The following CDC14B variants were observed in gnomAD, a reference collection of about 807,000 sequenced individuals.
The protein encoded by CDC14B is dual specificity protein phosphatase CDC14B.
In CDC14B, 22 loss-of-function variants were observed where a neutral mutation model predicts 64.2. That is an observed-to-expected ratio of 0.34 (90% CI 0.24 to 0.49). CDC14B has a LOEUF of 0.49. CDC14B is among the 20% of genes least tolerant of loss of function. CDC14B has a pLI of 0.99. For synonymous variants in CDC14B, 191 were observed against 215.8 expected, an observed-to-expected ratio of 0.89 and a Z score of 1.01; for missense variants, 498 against 629.9, an observed-to-expected ratio of 0.79 and a Z score of 2.24.
exon 14 of CDC14B, chr9:96,491,593 T>A (rs1197001149): frequency 6.6e-6 from 1 of 152,234 alleles, no homozygotes; most frequent in East Asian, 1.9e-4. Flanking sequence ...CGGTACAACA[T>A]CAGGGCTGTG....
At chr9:96,596,532 A>G (rs541218245) in intron 1 of CDC14B, among the ~76,000 whole-genome samples, 4 of 152,248 alleles carry the variant, frequency 2.6e-5, no homozygotes, top group African/African-American at 9.6e-5. Flanking sequence ...ACAGCATTAG[A>G]AACTCTACAA....
At chr9:96,600,871 A>G (rs1846392027) in intron 1 of CDC14B, among the ~76,000 whole-genome samples, 1 of 151,936 alleles carries the variant, frequency 6.6e-6, no homozygotes, top group Non-Finnish European at 1.5e-5. Context: ...GGTGTCCACA[A>G]CTCCTAAAAT....
At chr9:96,594,714 CAAAAAAAA>C (rs11414625) in intron 1 of CDC14B, among the ~76,000 whole-genome samples, 3 of 42,418 alleles carry the variant, frequency 7.1e-5, no homozygotes, top group South Asian at 2.1e-3. Flanking sequence ...AAGGCTGTCT[CAAAAAAAA>C]AAAAAAAAAA....
intron 13 of CDC14B, among the ~76,000 whole-genome samples, chr9:96,493,587 T>A (rs555263268): frequency 4.0e-4 from 61 of 152,272 alleles, no homozygotes; most frequent in South Asian, 6.2e-4. Context: ...TGTAATACTT[T>A]GGGAGGCTGA....
Position 96,500,423 on chromosome 9 carries a change from G to A in CDC14B, c.*3330C>T, listed in dbSNP as rs1269531522. On this transcript the variant is annotated 3_prime_UTR_variant, in exon 14 of 14. Coordinates refer to ENST00000375241, the MANE Select transcript of CDC14B (RefSeq NM_033331.4). ...TTAAAACTTTTAATAATCTGTACAT[G>A]AGTGCAGGTTAGATAAAAGTCTGCA... The A allele has an allele frequency of 6.6e-6, 1 of 152,654 alleles. No individual in the cohort carries two copies. Among genetic ancestry groups the A allele is most frequent in the African/African-American group, 2.4e-5 (1 of 41,464 alleles). The allele number at this position is 152,654 out of a possible 1,614,324, so 9.5% of individuals were successfully genotyped here.
chr9:96,545,303 T>A (rs1017051110), intron 5 of CDC14B, among the ~76,000 whole-genome samples: 7 of 151,924 alleles, frequency 4.6e-5, no homozygotes, highest in Admixed American at 3.9e-4. Flanking sequence ...AACCATGTCT[T>A]CTCTGTGAAG....
chr9:96,615,837 T>A (rs1847592461), intron 1 of CDC14B, among the ~76,000 whole-genome samples: 1 of 152,220 alleles, frequency 6.6e-6, no homozygotes, highest in African/African-American at 2.4e-5. Flanking sequence ...GAGGAATGGA[T>A]AAAGTCCATA....
chr9:96,617,703 G>A (rs1847717684), intron 1 of CDC14B, among the ~76,000 whole-genome samples: 2 of 152,192 alleles, frequency 1.3e-5, no homozygotes, highest in Admixed American at 1.3e-4. Context: ...AAGAGTAGTT[G>A]CCTCTAGAGA....
rs1847831315 is a variant in CDC14B, at chr9:96,619,237, C to T, written c.142G>A (p.Val48Met). The change falls in exon 1 of 14, where the codon GTG (valine) becomes ATG (methionine). Residue 48 changes from valine (V) to methionine (M), a missense_variant. Coordinates refer to ENST00000375241, the MANE Select transcript of CDC14B (RefSeq NM_033331.4). ...GGCTCACCGGTGATGTCCAGGTACA[C>T]GTCGTCCTGGGGGTCCCGGCGGCGC... ...DPRRRDPQDD[V>M]YLDITDRLCF... 4.4e-6 allele frequency: 6 copies of T among 1,350,856 alleles called. No homozygotes were observed. In the East Asian group the frequency reaches 1.7e-4, roughly 39 times the overall value. 83.7% of individuals were successfully genotyped at this position (1,350,856 alleles called of 1,614,324 possible).
chr9:96,520,679 T>C (rs1460050216), intron 12 of CDC14B, among the ~76,000 whole-genome samples: 3 of 152,174 alleles, frequency 2.0e-5, no homozygotes, highest in Non-Finnish European at 4.4e-5. Flanking sequence ...ATGCTGATTC[T>C]GAAAAACAAA....
At chr9:96,596,133 G>C (rs975700677) in intron 1 of CDC14B, among the ~76,000 whole-genome samples, 20 of 152,160 alleles carry the variant, frequency 1.3e-4, no homozygotes, top group African/African-American at 4.6e-4. Context: ...GGAGGCTGAG[G>C]GGGGCAGATC....
chr9:96,618,737 G>A (rs1847797301), intron 1 of CDC14B: 1 of 386,188 alleles, frequency 2.6e-6, no homozygotes, highest in Non-Finnish European at 5.0e-6. Context: ...CGGAGCAGCG[G>A]GGGTTTGGCC....
chr9:96,552,902 A>C (rs907417789), intron 4 of CDC14B, among the ~76,000 whole-genome samples: 1 of 152,206 alleles, frequency 6.6e-6, no homozygotes, highest in Non-Finnish European at 1.5e-5. Flanking sequence ...CTTTGGGGAA[A>C]TAGATTTTAA....
chr9:96,567,056 C>T (rs1844104088), intron 1 of CDC14B: 3 of 1,084,340 alleles, frequency 2.8e-6, no homozygotes, highest in Non-Finnish European at 3.8e-6. Flanking sequence ...CAGCACCCCG[C>T]CCCACCTCCC....
intron 5 of CDC14B, among the ~76,000 whole-genome samples, chr9:96,542,441 T>C (rs1288086711): frequency 6.6e-6 from 1 of 152,198 alleles, no homozygotes; most frequent in Non-Finnish European, 1.5e-5. Flanking sequence ...AAGCATTTTG[T>C]TGCTATCGTT....
chr9:96,566,838 C>T (rs771670887), intron 1 of CDC14B: 6 of 1,598,120 alleles, frequency 3.8e-6, no homozygotes, highest in South Asian at 1.1e-5. Flanking sequence ...ATCTGGAAGG[C>T]GGGGCAGAGG....
At chr9:96,524,086 T>C (rs1837199347) in intron 9 of CDC14B, among the ~76,000 whole-genome samples, 1 of 152,218 alleles carries the variant, frequency 6.6e-6, no homozygotes. Context: ...TACAGCCATG[T>C]GCCACCACAG....
intron 1 of CDC14B, among the ~76,000 whole-genome samples, chr9:96,569,556 A>G (rs778011228): frequency 6.6e-6 from 1 of 152,210 alleles, no homozygotes; most frequent in East Asian, 1.9e-4. Flanking sequence ...TAACACATCA[A>G]TAAAGTACTA....
chr9:96,565,315 C>T (rs1843752632), intron 2 of CDC14B, 78 bp downstream of exon 2: 3 of 833,228 alleles, frequency 3.6e-6, no homozygotes, highest in Non-Finnish European at 3.9e-6. Flanking sequence ...ATAATTTTCC[C>T]AGGCCATCCC....
Sources: allele counts gnomAD v4.1 joint callset (sites outside exome capture counted in the v4.1 genomes callset), GRCh38; gene constraint gnomAD v4.1.1; transcripts MANE v1.5; gene names NCBI Gene and HGNC (gene_info 2026-07-23, HGNC 2026-07-21).